Variants in DLC1 observed in about 807,000 individuals in gnomAD.
The protein encoded by DLC1 is DLC1 Rho GTPase activating protein.
DLC1 carries 54 observed loss-of-function variants against 140.3 expected under a neutral mutation model. The observed-to-expected ratio is 0.38, with a 90% CI of 0.31 to 0.48. DLC1 has a LOEUF of 0.48. Among genes scored for constraint, DLC1 ranks in the 20% least tolerant of loss-of-function variants. The pLI, the probability that DLC1 is intolerant of heterozygous loss-of-function variation, is 0.96. For missense variants in DLC1, 2,536 were observed against 1,907.0 expected, an observed-to-expected ratio of 1.33 and a Z score of -6.14; for synonymous variants, 986 against 728.1, an observed-to-expected ratio of 1.35 and a Z score of -5.70.
chr8:13,397,495 A>G (rs1276254344), intron 3 of DLC1, among the ~76,000 whole-genome samples: 1 of 151,956 alleles, frequency 6.6e-6, no homozygotes, highest in Non-Finnish European at 1.5e-5. Context: ...CAGACAAGAG[A>G]AGGAGTGAGG....
chr8:13,276,198 G>C, intron 5 of DLC1: 2 of 1,521,424 alleles, frequency 1.3e-6, no homozygotes, highest in African/African-American at 2.8e-5. Context: ...CTGCGTCTTC[G>C]CAGTAAATTG....
At chr8:13,113,702 C>A (rs182266448) in intron 6 of DLC1, among the ~76,000 whole-genome samples, 1 of 152,180 alleles carries the variant, frequency 6.6e-6, no homozygotes, top group African/African-American at 2.4e-5. Flanking sequence ...GAATGCTGGT[C>A]CCCCTTTCCC....
Position 13,102,802 on chromosome 8 carries a change from A to T in DLC1, c.1554T>A (p.Pro518=), listed in dbSNP as rs1335699667. 6.2e-7 allele frequency: 1 copy of T among 1,614,020 alleles called. No homozygotes were observed. The highest frequency in any genetic ancestry group is 1.1e-5 in the South Asian group (1 of 91,066). Residue 518 remains proline (P), a synonymous_variant, in exon 8 of 18, where the codon CCT becomes CCA. Coordinates refer to ENST00000276297, the MANE Select transcript of DLC1 (RefSeq NM_182643.3). The part of the protein sequence containing the change: ...KCAVMKLEIS[P]HRKRSDDSDE... ...TTTGTATACTCACTCGTTTCCGATGAGGACTAATTTCTAGCTTCATCACCG... is the reference window on the plus strand; with the variant it reads ...TTTGTATACTCACTCGTTTCCGATGTGGACTAATTTCTAGCTTCATCACCG...
intron 2 of DLC1, among the ~76,000 whole-genome samples, chr8:13,477,465 G>A (rs547457978): frequency 1.3e-5 from 2 of 152,270 alleles, no homozygotes; most frequent in Admixed American, 1.3e-4. Context: ...TGAGAGTAGG[G>A]CTTCAAATTT....
chr8:13,420,892 A>T (rs1207966886), intron 2 of DLC1, among the ~76,000 whole-genome samples: 3 of 152,172 alleles, frequency 2.0e-5, no homozygotes, highest in Non-Finnish European at 4.4e-5. Flanking sequence ...GTTTCTATGC[A>T]GTAAGCCCCA....
intron 5 of DLC1, among the ~76,000 whole-genome samples, chr8:13,122,158 T>G (rs1821140116): frequency 6.6e-6 from 1 of 152,182 alleles, no homozygotes; most frequent in African/African-American, 2.4e-5. Context: ...CATATTTCAT[T>G]ATGTCACTCC....
rs189510357 is a variant in DLC1, at chr8:13,260,777, G to A, written c.1348+44492C>T. ...TTTAGAGATAGCTTAAGAAAAAAAT[G>A]TATGTGATACATAAGGGAGGGGTAA... On this transcript the variant is annotated intron_variant, in intron 5 of 17. Coordinates refer to ENST00000276297, the MANE Select transcript of DLC1 (RefSeq NM_182643.3). Among the ~76,000 whole-genome samples, 149 of 152,266 alleles carry A rather than the reference G, an allele frequency of 9.8e-4. 1 individual carries two copies. Among genetic ancestry groups the A allele is most frequent in the Admixed American group, 9.4e-3 (144 of 15,296 alleles).
chr8:13,585,909 G>A (rs1401142139), intron 1 of DLC1, among the ~76,000 whole-genome samples: 1 of 152,162 alleles, frequency 6.6e-6, no homozygotes, highest in East Asian at 1.9e-4. Flanking sequence ...TATTAATTTT[G>A]GAGGGATATA....
chr8:13,213,004 T>C (rs371247047), intron 5 of DLC1, among the ~76,000 whole-genome samples: 2 of 152,210 alleles, frequency 1.3e-5, no homozygotes, highest in African/African-American at 4.8e-5. Context: ...TAATTTTCTT[T>C]TGGAATCCTC....
intron 4 of DLC1, among the ~76,000 whole-genome samples, chr8:13,362,999 C>T (rs944403544): frequency 5.3e-5 from 8 of 152,194 alleles, no homozygotes; most frequent in African/African-American, 1.9e-4. Context: ...TGCGTGCATT[C>T]ATTTATTCAG....
chr8:13,552,208 TATATACC>T, intron 1 of DLC1, among the ~76,000 whole-genome samples: 2 of 145,360 alleles, frequency 1.4e-5, no homozygotes, highest in African/African-American at 5.0e-5. Flanking sequence ...GAGGTGTATA[TATATACC>T]TGTCTAGACA....
chr8:13,235,788 C>G (rs1433907742), intron 5 of DLC1, among the ~76,000 whole-genome samples: 1 of 151,912 alleles, frequency 6.6e-6, no homozygotes, highest in Non-Finnish European at 1.5e-5. Context: ...GACAAATTGC[C>G]ACATACACAT....
chr8:13,603,456 A>C (rs1467662739), intron 1 of DLC1, among the ~76,000 whole-genome samples: 1 of 151,940 alleles, frequency 6.6e-6, no homozygotes, highest in East Asian at 1.9e-4. Context: ...AATCAACAGA[A>C]ATGTAATCAT....
chr8:13,415,839 T>C (rs1838031125), intron 2 of DLC1, among the ~76,000 whole-genome samples: 1 of 152,210 alleles, frequency 6.6e-6, no homozygotes, highest in Non-Finnish European at 1.5e-5. Context: ...CTATTGAATG[T>C]ATACAGGTAT....
intron 1 of DLC1, among the ~76,000 whole-genome samples, chr8:13,529,421 T>G (rs1803026125): frequency 6.6e-6 from 1 of 152,170 alleles, no homozygotes; most frequent in South Asian, 2.1e-4. Flanking sequence ...AACCTTCCTA[T>G]CCTAAGGTCT....
At chr8:13,313,669 T>A (rs1177848634) in intron 4 of DLC1, among the ~76,000 whole-genome samples, 1 of 152,240 alleles carries the variant, frequency 6.6e-6, no homozygotes, top group Non-Finnish European at 1.5e-5. Flanking sequence ...AAATATAGGT[T>A]GTCTGTCTCT....
At chr8:13,486,471 AC>A (rs1284040432) in intron 2 of DLC1, among the ~76,000 whole-genome samples, 4 of 152,066 alleles carry the variant, frequency 2.6e-5, no homozygotes, top group Non-Finnish European at 5.9e-5. Flanking sequence ...CTTTCTGATT[AC>A]TTTTAAATTA....
chr8:13,376,607 T>G (rs1388617878), intron 4 of DLC1, among the ~76,000 whole-genome samples: 1 of 152,194 alleles, frequency 6.6e-6, no homozygotes, highest in African/African-American at 2.4e-5. Context: ...GGTGGGTAGC[T>G]CAGGAAGAGT....
chr8:13,311,299 A>G (rs1429388498), intron 4 of DLC1, among the ~76,000 whole-genome samples: 1 of 152,150 alleles, frequency 6.6e-6, no homozygotes, highest in Non-Finnish European at 1.5e-5. Context: ...TGTGTACTAT[A>G]CCATTCTTCA....
Sources: allele counts gnomAD v4.1 joint callset (sites outside exome capture counted in the v4.1 genomes callset), GRCh38; gene constraint gnomAD v4.1.1; transcripts MANE v1.5; gene names NCBI Gene and HGNC (gene_info 2026-07-23, HGNC 2026-07-21).